Variants in PIBF1 observed in about 807,000 individuals in gnomAD.
The protein encoded by PIBF1 is progesterone immunomodulatory binding factor 1.
Under a neutral mutation model 112.5 loss-of-function variants are expected in PIBF1, and 90 were observed. The ratio of observed to expected loss-of-function variants is 0.80; its 90% CI spans 0.67 to 0.95. The LOEUF (loss-of-function observed/expected upper bound fraction) is 0.95, where lower values mean the gene tolerates loss of function less well. PIBF1 is among the 40% of genes least tolerant of loss of function. The pLI, the probability that PIBF1 is intolerant of heterozygous loss-of-function variation, is 0.00. For missense variants in PIBF1, 915 were observed against 852.3 expected, an observed-to-expected ratio of 1.07 and a Z score of -0.92; for synonymous variants, 301 against 288.6, an observed-to-expected ratio of 1.04 and a Z score of -0.44.
At chr13:72,856,567 A>G (rs2038432238) in intron 10 of PIBF1, among the ~76,000 whole-genome samples, 1 of 152,206 alleles carries the variant, frequency 6.6e-6, no homozygotes, top group Non-Finnish European at 1.5e-5. Context: ...GACATTACAG[A>G]ACCAGAGACT....
intron 10 of PIBF1, among the ~76,000 whole-genome samples, chr13:72,889,701 A>G (rs952223062): frequency 6.6e-6 from 1 of 152,200 alleles, no homozygotes; most frequent in African/African-American, 2.4e-5. Flanking sequence ...TGCCACATAC[A>G]GATAAATGCT....
Position 72,884,835 on chromosome 13 carries a change from A to G in PIBF1, c.1323-8949A>G, listed in dbSNP as rs1240786342. ...TCCCAAGATAGAATTTAACAGAAATACTAACAAGTAATTATTTGGTCCATT... is the reference window on the plus strand; with the variant it reads ...TCCCAAGATAGAATTTAACAGAAATGCTAACAAGTAATTATTTGGTCCATT... On this transcript the variant is annotated intron_variant, in intron 10 of 17. Coordinates refer to ENST00000326291, the MANE Select transcript of PIBF1 (RefSeq NM_006346.4). Among the ~76,000 whole-genome samples, 4 of 152,196 alleles carry G rather than the reference A, an allele frequency of 2.6e-5. No individual in the cohort carries two copies. In the South Asian group the frequency reaches 6.2e-4, roughly 24 times the overall value.
chr13:72,995,601 A>G (rs977287211), intron 16 of PIBF1, among the ~76,000 whole-genome samples: 3 of 152,186 alleles, frequency 2.0e-5, no homozygotes, highest in Non-Finnish European at 4.4e-5. Flanking sequence ...TGTTGTATTC[A>G]TATGTTTTAC....
chr13:72,790,658 A>G (rs1483920309), intron 2 of PIBF1, among the ~76,000 whole-genome samples: 1 of 152,184 alleles, frequency 6.6e-6, no homozygotes, highest in Non-Finnish European at 1.5e-5. Flanking sequence ...GGGGTAGTCC[A>G]GCTGAGGAGC....
intron 5 of PIBF1, among the ~76,000 whole-genome samples, chr13:72,819,922 C>T (rs1254071747): frequency 6.6e-6 from 1 of 151,914 alleles, no homozygotes; most frequent in Non-Finnish European, 1.5e-5. Flanking sequence ...TGCGAATACT[C>T]CTTTGGGTTT....
intron 12 of PIBF1, among the ~76,000 whole-genome samples, chr13:72,909,452 A>G (rs1258833846): frequency 6.6e-6 from 1 of 152,072 alleles, no homozygotes; most frequent in African/African-American, 2.4e-5. Flanking sequence ...GAGGTGAGGC[A>G]TATCTAAGAG....
intron 10 of PIBF1, among the ~76,000 whole-genome samples, chr13:72,872,150 A>G (rs1481528957): frequency 2.0e-5 from 3 of 152,206 alleles, no homozygotes; most frequent in African/African-American, 7.2e-5. Flanking sequence ...AACTTATAGA[A>G]TTGTGAGGAT....
intron 13 of PIBF1, among the ~76,000 whole-genome samples, chr13:72,927,372 C>T (rs1357959059): frequency 3.3e-5 from 5 of 152,032 alleles, no homozygotes; most frequent in African/African-American, 7.2e-5. Flanking sequence ...GGCCTAGTGG[C>T]GGGCACCTGT....
chr13:72,835,741 CA>C (rs1327203927), intron 9 of PIBF1, among the ~76,000 whole-genome samples: 1 of 152,170 alleles, frequency 6.6e-6, no homozygotes, highest in East Asian at 1.9e-4. Context: ...ATAGTAATTT[CA>C]AATATACATA....
At chr13:72,985,829 A>G (rs771147179) in intron 16 of PIBF1, among the ~76,000 whole-genome samples, 5 of 152,088 alleles carry the variant, frequency 3.3e-5, no homozygotes, top group Non-Finnish European at 7.4e-5. Flanking sequence ...AGAATATGCA[A>G]CAAAACCCAT....
intron 14 of PIBF1, among the ~76,000 whole-genome samples, chr13:72,958,317 A>G (rs1401236064): frequency 1.3e-5 from 2 of 151,122 alleles, no homozygotes; most frequent in African/African-American, 4.9e-5. Flanking sequence ...CTCAAAAAAA[A>G]AAAAAAAAAA....
chr13:72,873,202 A>C (rs2138439890), intron 10 of PIBF1, among the ~76,000 whole-genome samples: 1 of 152,162 alleles, frequency 6.6e-6, no homozygotes, highest in East Asian at 1.9e-4. Context: ...CTTTTCAACA[A>C]ATCTTGCTAA....
rs200392432 is a variant in PIBF1, at chr13:72,789,216, ACT to A, written c.253-3226_253-3225del. Among the ~76,000 whole-genome samples, 964 of 151,748 alleles carry A rather than the reference ACT, an allele frequency of 6.4e-3. 17 individuals are homozygous for A. The highest frequency in any genetic ancestry group is 0.022 in the African/African-American group (894 of 41,364). On this transcript the variant is annotated intron_variant, in intron 2 of 17. Coordinates refer to ENST00000326291, the MANE Select transcript of PIBF1 (RefSeq NM_006346.4). ...CTTTCAAATTTTTAGACAGGGTCTC[ACT>A]CTCTTGCCCAGGCTGGAGTGCAGTG...
chr13:72,988,514 G>A (rs961051683), intron 16 of PIBF1, among the ~76,000 whole-genome samples: 3 of 152,082 alleles, frequency 2.0e-5, no homozygotes, highest in Non-Finnish European at 4.4e-5. Context: ...CCTTTATGTA[G>A]TGTATAGTGG....
intron 11 of PIBF1, among the ~76,000 whole-genome samples, chr13:72,899,949 T>C (rs1384935779): frequency 6.6e-6 from 1 of 152,162 alleles, no homozygotes; most frequent in Non-Finnish European, 1.5e-5. Flanking sequence ...GTAGCACTTC[T>C]ATACACCAAC....
intron 10 of PIBF1, among the ~76,000 whole-genome samples, chr13:72,854,512 T>C (rs563719504): frequency 6.6e-6 from 1 of 152,350 alleles, no homozygotes; most frequent in East Asian, 1.9e-4. Flanking sequence ...TTGCTTCTCT[T>C]AGACTAAAAA....
intron 17 of PIBF1, among the ~76,000 whole-genome samples, chr13:73,003,081 T>G (rs1052666006): frequency 1.9e-4 from 29 of 151,410 alleles, no homozygotes; most frequent in Non-Finnish European, 3.2e-4. Flanking sequence ...AGTGTCTGAT[T>G]TTTGGTGAGT....
intron 6 of PIBF1, among the ~76,000 whole-genome samples, chr13:72,825,712 ATATT>A (rs1431734674): frequency 1.3e-5 from 2 of 152,172 alleles, no homozygotes; most frequent in Non-Finnish European, 2.9e-5. Flanking sequence ...TGACAAAGTA[ATATT>A]TATTTAATAT....
intron 6 of PIBF1, among the ~76,000 whole-genome samples, chr13:72,826,354 C>G (rs1369455245): frequency 1.3e-5 from 2 of 152,068 alleles, no homozygotes; most frequent in Non-Finnish European, 2.9e-5. Context: ...TCCTAACAGC[C>G]CTCTCTGTGG....
Sources: allele counts gnomAD v4.1 joint callset (sites outside exome capture counted in the v4.1 genomes callset), GRCh38; gene constraint gnomAD v4.1.1; transcripts MANE v1.5; gene names NCBI Gene and HGNC (gene_info 2026-07-23, HGNC 2026-07-21).